Variants in C18orf32 observed in about 807,000 individuals in gnomAD.
The protein encoded by C18orf32 is UPF0729 protein C18orf32.
In C18orf32, 5 loss-of-function variants were observed where a neutral mutation model predicts 7.4. The observed-to-expected ratio is 0.68, with a 90% CI of 0.35 to 1.42. C18orf32 has a LOEUF of 1.42. C18orf32 is among the 40% of genes most tolerant of loss of function. The pLI, the probability that C18orf32 is intolerant of heterozygous loss-of-function variation, is 0.04. For missense variants in C18orf32, 88 were observed against 92.4 expected (o/e 0.95, Z 0.19); for synonymous variants, 30 against 29.3 (o/e 1.02, Z -0.08).
rs1240990252 is a variant in C18orf32 at position 49,483,710 on chromosome 18, GAGC to G, written c.36_38del (p.Leu13del). On this transcript the variant is annotated inframe_deletion, in exon 2 of 3. Coordinates refer to ENST00000318240, the MANE Select transcript of C18orf32 (RefSeq NM_001035005.4). ...GCTCCAGGAATTTTTTGTAGATCCA[GAGC>G]AGAACTGGAATGACGATACAAGGAA... 1.9e-6 allele frequency: 3 copies of G among 1,613,216 alleles called. No individual in the cohort carries two copies. Among genetic ancestry groups the G allele is most frequent in the African/African-American group, 1.3e-5 (1 of 74,866 alleles).
rs1466234148 is a variant in C18orf32, at chr18:49,477,637, G to A, written c.*4708C>T. The A allele has an allele frequency of 6.7e-6, 1 of 149,706 alleles. No homozygotes were observed. Among genetic ancestry groups the A allele is most frequent in the Admixed American group, 6.6e-5 (1 of 15,152 alleles). 9.3% of individuals were successfully genotyped at this position (149,706 alleles called of 1,614,324 possible). On this transcript the variant is annotated 3_prime_UTR_variant, in exon 3 of 3. Coordinates refer to ENST00000318240, the MANE Select transcript of C18orf32 (RefSeq NM_001035005.4). The stretch of plus-strand genomic sequence containing the variant: ...TCTACTAAAGTACAAAATTAGCCGG[G>A]TGTGGTAGCACGCACCTGTAATCCC...
rs906147382 is a variant in C18orf32 at position 49,481,028 on chromosome 18, C to A, written c.*1317G>T. 1 of 152,040 alleles carries A rather than the reference C, an allele frequency of 6.6e-6. No individual in the cohort carries two copies. The highest frequency in any genetic ancestry group is 2.4e-5 in the African/African-American group (1 of 41,394). The allele number at this position is 152,040 out of a possible 1,614,324, so 9.4% of individuals were successfully genotyped here. A position where few individuals can be genotyped will look rare whatever the true frequency, so the allele number is the denominator to read the frequency against. On this transcript the variant is annotated 3_prime_UTR_variant, in exon 3 of 3. Transcript: ENST00000318240. ...TAAGGGAATGAGAGTTGAGAAAAAA[C>A]ATTCGCTTTTCATTTAGGATCCTCT...
rs1353204752 is a variant in C18orf32 at position 49,485,326 on chromosome 18, G to A, written c.-23-1555C>T. On this transcript the variant is annotated intron_variant, in intron 1 of 2. Coordinates refer to ENST00000318240, the MANE Select transcript of C18orf32 (RefSeq NM_001035005.4). ...TCCAAGCACCTTGGGAGGCCGAGGG[G>A]GTGGATCATCTTAGGTAAGGAGTTC... Among the ~76,000 whole-genome samples the A allele has an allele frequency of 2.0e-5, 3 of 152,126 alleles. No individual in the cohort carries two copies. In the East Asian group the frequency reaches 5.8e-4, roughly 29 times the overall value.
rs768637811 is a variant in C18orf32, at chr18:49,483,714, AGAAC to A, written c.31_34del (p.Val11CysfsTer41). 1.2e-6 allele frequency: 2 copies of A among 1,612,768 alleles called. No homozygotes were observed. The highest frequency in any genetic ancestry group is 1.7e-6 in the Non-Finnish European group (2 of 1,179,768). On this transcript the variant is annotated frameshift_variant, in exon 2 of 3. Transcript: ENST00000318240. LOFTEE classifies it high-confidence loss of function. ...CAGGAATTTTTTGTAGATCCAGAGC[AGAAC>A]TGGAATGACGATACAAGGAATGCAC...
At position 49,478,800 on chromosome 18, in the gene C18orf32, A is replaced by G. The variant is rs887718615; in HGVS notation, c.*3545T>C. 1.3e-5 allele frequency: 2 copies of G among 150,538 alleles called. No individual in the cohort carries two copies. The highest frequency in any genetic ancestry group is 5.0e-5 in the African/African-American group (2 of 39,818). The allele number at this position is 150,538 out of a possible 1,614,324, so 9.3% of individuals were successfully genotyped here. On this transcript the variant is annotated 3_prime_UTR_variant, in exon 3 of 3. Transcript: ENST00000318240. Reference sequence around the variant, plus strand: ...GGATAACTGATAAAAGCTTTTAACAATTAGCCTCCAAAATAAGAAAAATAT... The same window carrying G: ...GGATAACTGATAAAAGCTTTTAACAGTTAGCCTCCAAAATAAGAAAAATAT...
At chr18:49,485,496 G>A (rs1014095097) in intron 1 of C18orf32, among the ~76,000 whole-genome samples, 1 of 151,936 alleles carries the variant, frequency 6.6e-6, no homozygotes, top group Non-Finnish European at 1.5e-5. Context: ...GGAAGTCGCA[G>A]TGAGCTGAGA....
intron 1 of C18orf32, among the ~76,000 whole-genome samples, chr18:49,484,107 T>C (rs1356137583): frequency 7.6e-6 from 1 of 131,426 alleles, no homozygotes; most frequent in Non-Finnish European, 1.6e-5. Context: ...CCAGCCTGGA[T>C]GACACAGAGA....
At chr18:49,485,076 C>T (rs776434509) in intron 1 of C18orf32, among the ~76,000 whole-genome samples, 3 of 151,364 alleles carry the variant, frequency 2.0e-5, no homozygotes, top group South Asian at 2.1e-4. Context: ...AGCAAAACTC[C>T]GTCTCAAAAA....
rs970937125 is a variant in C18orf32 at position 49,481,866 on chromosome 18, T to C, written c.*479A>G. The C allele has an allele frequency of 6.3e-6, 1 of 158,924 alleles. No individual in the cohort carries two copies. The highest frequency in any genetic ancestry group is 2.4e-5 in the African/African-American group (1 of 41,498). 9.8% of individuals were successfully genotyped at this position (158,924 alleles called of 1,614,324 possible). ...GCTGCTCCACTGTGTTGGACAGTAATTATTAAATCTTTATGTTTCACATCA... is the reference window on the plus strand; with the variant it reads ...GCTGCTCCACTGTGTTGGACAGTAACTATTAAATCTTTATGTTTCACATCA... On this transcript the variant is annotated 3_prime_UTR_variant, in exon 3 of 3. Transcript: ENST00000318240.
rs1367570079 is a variant in C18orf32, at chr18:49,479,030, CT to C, written c.*3314del. 5.9e-5 allele frequency: 9 copies of C among 152,170 alleles called. No homozygotes were observed. Among genetic ancestry groups the C allele is most frequent in the African/African-American group, 1.4e-4 (6 of 41,424 alleles). The allele number at this position is 152,170 out of a possible 1,614,324, so 9.4% of individuals were successfully genotyped here. A position where few individuals can be genotyped will look rare whatever the true frequency, so the allele number is the denominator to read the frequency against. On this transcript the variant is annotated 3_prime_UTR_variant, in exon 3 of 3. Transcript: ENST00000318240. ...GTTGGCAATTGCATACTAGCCACCC[CT>C]ATCCTGCTTTTAAAATGTTGCTAGT...
chr18:49,485,665 G>T lies in C18orf32; in HGVS notation c.-24+1378C>A, dbSNP rs1304045928. 2.6e-5 allele frequency among the ~76,000 whole-genome samples: 4 copies of T among 151,144 alleles called. No individual in the cohort carries two copies. In the South Asian group the frequency reaches 8.3e-4, roughly 31 times the overall value. ...TCTGTTGCTCAGGCTAAAGTGCAGT[G>T]GCTCAAACATACCACCTGTGTTCAG... On this transcript the variant is annotated intron_variant, in intron 1 of 2. Transcript: ENST00000318240.
At position 49,479,128 on chromosome 18, in the gene C18orf32, C is replaced by CTT. The variant is rs2083640496; in HGVS notation, c.*3216_*3217insAA. The CTT allele has an allele frequency of 6.6e-6, 1 of 152,164 alleles. No homozygotes were observed. Among genetic ancestry groups the CTT allele is most frequent in the Admixed American group, 6.5e-5 (1 of 15,280 alleles). 9.4% of individuals were successfully genotyped at this position (152,164 alleles called of 1,614,324 possible). ...TAGAAATGAGAAAGGCCTTAGGAGACCCGCAGCTCTCTGGAAAACAGGCTT... is the reference window on the plus strand; with the variant it reads ...TAGAAATGAGAAAGGCCTTAGGAGACTTCCGCAGCTCTCTGGAAAACAGGCTT... On this transcript the variant is annotated 3_prime_UTR_variant, in exon 3 of 3. Transcript: ENST00000318240.
At position 49,483,702 on chromosome 18, in the gene C18orf32, T is replaced by C. The variant is rs1435413277; in HGVS notation, c.47A>G (p.Tyr16Cys). ...CIVIPVLLWI[Y>C]KKFLEPYIYP... ...TATATATGGCTCCAGGAATTTTTTG[T>C]AGATCCAGAGCAGAACTGGAATGAC... The change falls in exon 2 of 3, where the codon TAC (tyrosine) becomes TGC (cysteine). Residue 16 changes from tyrosine (Y) to cysteine (C), a missense_variant. Transcript: ENST00000318240. 3 of 1,613,846 alleles carry C rather than the reference T, an allele frequency of 1.9e-6. No homozygotes were observed. The highest frequency in any genetic ancestry group is 1.7e-5 in the Admixed American group (1 of 59,872).
rs1023559525 is a variant in C18orf32, at chr18:49,481,034, C to T, written c.*1311G>A. On this transcript the variant is annotated 3_prime_UTR_variant, in exon 3 of 3. Transcript: ENST00000318240. ...AATGAGAGTTGAGAAAAAACATTCGCTTTTCATTTAGGATCCTCTTGCATT... is the reference window on the plus strand; with the variant it reads ...AATGAGAGTTGAGAAAAAACATTCGTTTTTCATTTAGGATCCTCTTGCATT... The T allele has an allele frequency of 6.6e-6, 1 of 152,056 alleles. No homozygotes were observed. The highest frequency in any genetic ancestry group is 1.5e-5 in the Non-Finnish European group (1 of 68,010). The allele number at this position is 152,056 out of a possible 1,614,324, so 9.4% of individuals were successfully genotyped here.
At chr18:49,483,438 G>T in intron 2 of C18orf32, 146 bp downstream of exon 2, 2 of 1,022,802 alleles carry the variant, frequency 2.0e-6, no homozygotes, top group Non-Finnish European at 2.8e-6. Flanking sequence ...TTAATCAGAG[G>T]CCTACTTTAA....
Position 49,480,787 on chromosome 18 carries a change from A to T in C18orf32, c.*1558T>A, listed in dbSNP as rs566373930. The T allele has an allele frequency of 1.1e-4, 17 of 152,300 alleles. No homozygotes were observed. The highest frequency in any genetic ancestry group is 4.1e-4 in the African/African-American group (17 of 41,546). The allele number at this position is 152,300 out of a possible 1,614,324, so 9.4% of individuals were successfully genotyped here. On this transcript the variant is annotated 3_prime_UTR_variant, in exon 3 of 3. Transcript: ENST00000318240. ...CCCTGTCTCAAAAACATAAATAAAT[A>T]AAAATGATGTGCATATTTAAGAACA...
In C18orf32 at chr18:49,477,908, T is replaced by C. The variant is rs1170756009; in HGVS notation, c.*4437A>G. 2.1e-5 allele frequency: 3 copies of C among 143,592 alleles called. No homozygotes were observed. The highest frequency in any genetic ancestry group is 7.0e-5 in the Admixed American group (1 of 14,368). 8.9% of individuals were successfully genotyped at this position (143,592 alleles called of 1,614,324 possible). A position where few individuals can be genotyped will look rare whatever the true frequency, so the allele number is the denominator to read the frequency against. ...TATATATATATACACTATATGTATA[T>C]ACACTATATATATATACACACTATA... On this transcript the variant is annotated 3_prime_UTR_variant, in exon 3 of 3. Coordinates refer to ENST00000318240, the MANE Select transcript of C18orf32 (RefSeq NM_001035005.4).
rs938219479 is a variant in C18orf32 at position 49,478,150 on chromosome 18, C to T, written c.*4195G>A. ...CTCCTGGGTTCAAGCAATCCTCCCACCTCAGCCTCCAGAGTAGCTGGGACC... is the reference window on the plus strand; with the variant it reads ...CTCCTGGGTTCAAGCAATCCTCCCATCTCAGCCTCCAGAGTAGCTGGGACC... On this transcript the variant is annotated 3_prime_UTR_variant, in exon 3 of 3. Coordinates refer to ENST00000318240, the MANE Select transcript of C18orf32 (RefSeq NM_001035005.4). 6.7e-5 allele frequency: 10 copies of T among 150,136 alleles called. No homozygotes were observed. The highest frequency in any genetic ancestry group is 1.2e-4 in the Non-Finnish European group (8 of 68,098). 9.3% of individuals were successfully genotyped at this position (150,136 alleles called of 1,614,324 possible). A position where few individuals can be genotyped will look rare whatever the true frequency, so the allele number is the denominator to read the frequency against.
chr18:49,486,011 A>G (rs940425980), intron 1 of C18orf32: 7 of 151,530 alleles, frequency 4.6e-5, no homozygotes, highest in African/African-American at 7.3e-5. Flanking sequence ...CGCCCAGGAA[A>G]GCCGAAACTG....
Sources: allele counts gnomAD v4.1 joint callset (sites outside exome capture counted in the v4.1 genomes callset), GRCh38; gene constraint gnomAD v4.1.1; transcripts MANE v1.5; gene names NCBI Gene and HGNC (gene_info 2026-07-23, HGNC 2026-07-21).